SGCD: variants seen among roughly 807,000 people sequenced by gnomAD.
SGCD encodes sarcoglycan delta.
SGCD carries 18 observed loss-of-function variants against 36.6 expected under a neutral mutation model. The observed-to-expected ratio is 0.49, with a 90% CI of 0.34 to 0.73. The LOEUF (loss-of-function observed/expected upper bound fraction) is 0.73. Ranked by LOEUF, SGCD falls within the 30% of genes least tolerant of loss-of-function variation. The pLI is 0.01. For missense variants in SGCD, 387 were observed against 346.7 expected, an observed-to-expected ratio of 1.12 and a Z score of -0.92; for synonymous variants, 133 against 130.6, an observed-to-expected ratio of 1.02 and a Z score of -0.12.
chr5:155,738,687 TGA>T, the SGCD span, among the ~76,000 whole-genome samples: 18 of 144,322 alleles, frequency 1.2e-4, no homozygotes, highest in Admixed American at 2.7e-4. Context: ...AGTGTGTGTG[TGA>T]GAGTGTATAT....
intron 3 of SGCD, among the ~76,000 whole-genome samples, chr5:156,454,465 A>T (rs1754165712): frequency 6.6e-6 from 1 of 152,160 alleles, no homozygotes; most frequent in Admixed American, 6.5e-5. Flanking sequence ...CAAGATTTGG[A>T]TTTATACTTT....
At chr5:156,261,014 A>G (rs1765847217) in intron 3 of SGCD, among the ~76,000 whole-genome samples, 1 of 152,152 alleles carries the variant, frequency 6.6e-6, no homozygotes, top group Non-Finnish European at 1.5e-5. Context: ...AAAATACATC[A>G]ATTGATAATG....
chr5:156,255,971 C>G (rs1307758021), intron 3 of SGCD, among the ~76,000 whole-genome samples: 2 of 151,930 alleles, frequency 1.3e-5, no homozygotes, highest in African/African-American at 4.8e-5. Flanking sequence ...ATTTTTTGTA[C>G]AAACAAATCT....
At chr5:155,873,765 G>A (rs545072646) in intron 1 of SGCD, among the ~76,000 whole-genome samples, 1 of 152,038 alleles carries the variant, frequency 6.6e-6, no homozygotes, top group African/African-American at 2.4e-5. Flanking sequence ...AGTTAAAAAA[G>A]CATACCACTT....
chr5:155,859,315 C>T, the SGCD span, among the ~76,000 whole-genome samples: 1 of 152,052 alleles, frequency 6.6e-6, no homozygotes, highest in Non-Finnish European at 1.5e-5. Context: ...GATTCTCCCA[C>T]CTTGGCCTCC....
In SGCD at chr5:156,445,613, C is replaced by T. The variant is rs370649247; in HGVS notation, c.193-62988C>T. On this transcript the variant is annotated intron_variant, in intron 3 of 8. Transcript: ENST00000337851. Reference sequence around the variant, plus strand: ...GGACTAGCGGGTTTTAGTTCTCCCCCCGTACTATTTGTGACCTCTGTGACC... The same window carrying T: ...GGACTAGCGGGTTTTAGTTCTCCCCTCGTACTATTTGTGACCTCTGTGACC... Among the ~76,000 whole-genome samples the T allele has an allele frequency of 5.9e-5, 9 of 152,216 alleles. No individual in the cohort carries two copies. In the South Asian group the frequency reaches 1.7e-3, roughly 28 times the overall value.
chr5:156,497,588 T>C (rs1207998812), intron 3 of SGCD, among the ~76,000 whole-genome samples: 1 of 151,814 alleles, frequency 6.6e-6, no homozygotes, highest in Non-Finnish European at 1.5e-5. Context: ...TACATATGTA[T>C]AATGCTCTCT....
At chr5:156,561,439 G>C (rs753149371) in intron 4 of SGCD, among the ~76,000 whole-genome samples, 2 of 152,218 alleles carry the variant, frequency 1.3e-5, no homozygotes, top group Non-Finnish European at 2.9e-5. Context: ...CATAGCAAAA[G>C]ACTGGCTGAA....
chr5:156,098,340 T>C (rs999997705), intron 1 of SGCD, among the ~76,000 whole-genome samples: 1 of 152,170 alleles, frequency 6.6e-6, no homozygotes, highest in Non-Finnish European at 1.5e-5. Flanking sequence ...CTCAAGCAGA[T>C]TATATATGCA....
At chr5:156,643,599 A>G (rs1304392291) in intron 6 of SGCD, among the ~76,000 whole-genome samples, 2 of 152,154 alleles carry the variant, frequency 1.3e-5, no homozygotes, top group African/African-American at 4.8e-5. Context: ...AAATAATACT[A>G]AAGGGAAAAT....
chr5:155,939,849 T>C (rs1404501841), intron 1 of SGCD, among the ~76,000 whole-genome samples: 1 of 151,314 alleles, frequency 6.6e-6, no homozygotes, highest in African/African-American at 2.4e-5. Flanking sequence ...TTTTTTTTTT[T>C]TTTTGACGGA....
chr5:156,315,265 A>AC (rs1554092425), intron 3 of SGCD, among the ~76,000 whole-genome samples: 1 of 148,372 alleles, frequency 6.7e-6, no homozygotes, highest in African/African-American at 2.5e-5. Flanking sequence ...TTTGAGTCTG[A>AC]TTTTTTTTTT....
intron 3 of SGCD, among the ~76,000 whole-genome samples, chr5:156,386,626 G>A (rs1046091256): frequency 2.0e-5 from 3 of 152,258 alleles, no homozygotes; most frequent in Non-Finnish European, 2.9e-5. Flanking sequence ...TTAATGAAAT[G>A]AAGGATGTGG....
At chr5:156,747,522 C>G (rs1305690430) in intron 7 of SGCD, among the ~76,000 whole-genome samples, 2 of 152,156 alleles carry the variant, frequency 1.3e-5, no homozygotes, top group Non-Finnish European at 2.9e-5. Context: ...TCTCTGTAGA[C>G]TGTTGGACTG....
At chr5:155,849,675 A>C in the SGCD span, among the ~76,000 whole-genome samples, 1 of 152,194 alleles carries the variant, frequency 6.6e-6, no homozygotes, top group African/African-American at 2.4e-5. Context: ...GATGTAGAAT[A>C]TGTAAAAAAG....
At chr5:156,145,531 T>G (rs1762689932) in intron 3 of SGCD, among the ~76,000 whole-genome samples, 1 of 152,250 alleles carries the variant, frequency 6.6e-6, no homozygotes, top group South Asian at 2.1e-4. Context: ...ATATCCTTTT[T>G]GAATCTATTC....
At chr5:156,150,411 C>G in intron 3 of SGCD, among the ~76,000 whole-genome samples, 1 of 151,666 alleles carries the variant, frequency 6.6e-6, no homozygotes, top group East Asian at 1.9e-4. Context: ...TGCCCTAATT[C>G]TTTCATGTTG....
intron 3 of SGCD, among the ~76,000 whole-genome samples, chr5:156,410,012 G>A (rs1265465616): frequency 6.6e-6 from 1 of 151,898 alleles, no homozygotes; most frequent in Non-Finnish European, 1.5e-5. Context: ...ACGGGCTTTG[G>A]CTTGAATTTT....
intron 3 of SGCD, among the ~76,000 whole-genome samples, chr5:156,147,559 G>A (rs1043450437): frequency 6.6e-6 from 1 of 152,158 alleles, no homozygotes; most frequent in African/African-American, 2.4e-5. Flanking sequence ...ATTTCTGTAT[G>A]CAGGGCTTGT....
Sources: gnomAD v4.1 joint callset for allele counts (sites outside exome capture counted in the v4.1 genomes callset) on GRCh38, gnomAD v4.1.1 for gene constraint, MANE v1.5 for transcripts, NCBI Gene and HGNC (gene_info 2026-07-23, HGNC 2026-07-21) for gene names.